The following GATAD2B variants were observed in gnomAD, a reference collection of about 807,000 sequenced individuals.
The protein encoded by GATAD2B is GATA zinc finger domain containing 2B.
Under a neutral mutation model 64.3 loss-of-function variants are expected in GATAD2B, and 8 were observed. The observed-to-expected ratio is 0.12, with a 90% CI of 0.07 to 0.22. The LOEUF is 0.22. Ranked by LOEUF, GATAD2B falls within the 10% of genes least tolerant of loss-of-function variation. The probability of loss-of-function intolerance (pLI) is 1.00; values close to 1 mark genes in which losing one functional copy is unlikely to be tolerated. For missense variants in GATAD2B, 453 were observed against 752.0 expected, an observed-to-expected ratio of 0.60 and a Z score of 4.65; for synonymous variants, 281 against 271.3, an observed-to-expected ratio of 1.04 and a Z score of -0.35.
At chr1:153,831,270 G>C (rs1422415357) in intron 1 of GATAD2B, among the ~76,000 whole-genome samples, 1 of 152,186 alleles carries the variant, frequency 6.6e-6, no homozygotes, top group African/African-American at 2.4e-5. Flanking sequence ...TCACTCGTAA[G>C]TGGGAGTTGA....
chr1:153,818,064 T>A lies in GATAD2B; in HGVS notation c.705A>T (p.Glu235Asp), dbSNP rs1674544775. 6.2e-7 allele frequency: 1 copy of A among 1,611,480 alleles called. No homozygotes were observed. Among genetic ancestry groups the A allele is most frequent in the Non-Finnish European group, 8.5e-7 (1 of 1,179,034 alleles). The stretch of plus-strand genomic sequence containing the variant: ...CCTGTAATGTTCTCAAATTTTGAGG[T>A]TCAACCCCTTGGGCCCCAGGCCGAG... The part of the protein sequence containing the change: ...LPSRPGAQGV[E>D]PQNLRTLQGH... Residue 235 changes from glutamate (E) to aspartate (D), a missense_variant, in exon 5 of 11, where the codon GAA becomes GAT. Transcript: ENST00000368655.
At chr1:153,911,493 G>C (rs1678106541) in intron 1 of GATAD2B, among the ~76,000 whole-genome samples, 1 of 152,168 alleles carries the variant, frequency 6.6e-6, no homozygotes, top group East Asian at 1.9e-4. Flanking sequence ...CCAGCACTTT[G>C]GGAGGCCGAG....
At chr1:153,855,432 T>C (rs969221076) in intron 1 of GATAD2B, among the ~76,000 whole-genome samples, 2 of 152,136 alleles carry the variant, frequency 1.3e-5, no homozygotes, top group Non-Finnish European at 2.9e-5. Context: ...TTTTCCTATG[T>C]TGGCCAGGCA....
At chr1:153,818,743 C>G in intron 4 of GATAD2B, 48 bp downstream of exon 4, 1 of 1,585,078 alleles carries the variant, frequency 6.3e-7, no homozygotes, top group African/African-American at 1.4e-5. Context: ...ACTCTCAAAC[C>G]AGTTTTTCTT....
chr1:153,817,837 C>T (rs551459311), intron 5 of GATAD2B, among the ~76,000 whole-genome samples: 5 of 152,144 alleles, frequency 3.3e-5, no homozygotes, highest in Admixed American at 3.3e-4. Context: ...ATTCTCTAGA[C>T]AAGAAAAACT....
chr1:153,819,503 T>C, intron 3 of GATAD2B, 103 bp downstream of exon 3: 1 of 827,498 alleles, frequency 1.2e-6, no homozygotes, highest in Non-Finnish European at 1.9e-6. Flanking sequence ...TGGGTATTTA[T>C]ATCCAAAGAG....
At chr1:153,866,291 C>T (rs1221243196) in intron 1 of GATAD2B, among the ~76,000 whole-genome samples, 4 of 151,526 alleles carry the variant, frequency 2.6e-5, no homozygotes, top group Admixed American at 1.3e-4. Context: ...ATAGCTAATC[C>T]AGTAGCAGCC....
chr1:153,895,430 A>G (rs1251902540), intron 1 of GATAD2B, among the ~76,000 whole-genome samples: 1 of 151,790 alleles, frequency 6.6e-6, no homozygotes, highest in Non-Finnish European at 1.5e-5. Context: ...GAGGTACAGA[A>G]CCAACCAGTC....
At position 153,856,425 on chromosome 1, in the gene GATAD2B, G is replaced by A. The variant is rs569566814; in HGVS notation, c.-1-28077C>T. On this transcript the variant is annotated intron_variant, in intron 1 of 10. Transcript: ENST00000368655. ...TTATGCTATATATCAACAGCATATT[G>A]GTATGTGCCAAGCAAATATGGCAAA... Among the ~76,000 whole-genome samples the A allele has an allele frequency of 3.3e-5, 5 of 152,226 alleles. No individual in the cohort carries two copies. In the East Asian group the frequency reaches 7.7e-4, roughly 23 times the overall value.
chr1:153,845,091 A>T (rs542218342), intron 1 of GATAD2B, among the ~76,000 whole-genome samples: 1 of 152,168 alleles, frequency 6.6e-6, no homozygotes, highest in Non-Finnish European at 1.5e-5. Flanking sequence ...TTACGCAGAG[A>T]AATGGAAGAT....
intron 1 of GATAD2B, among the ~76,000 whole-genome samples, chr1:153,864,546 G>C (rs1024694804): frequency 6.6e-6 from 1 of 152,148 alleles, no homozygotes; most frequent in Non-Finnish European, 1.5e-5. Context: ...AAACCTAGGA[G>C]GTCGAGGCTT....
chr1:153,869,180 TA>T (rs1464392853), intron 1 of GATAD2B, among the ~76,000 whole-genome samples: 1 of 151,564 alleles, frequency 6.6e-6, no homozygotes, highest in East Asian at 2.0e-4. Flanking sequence ...TAGTCCCAGC[TA>T]CTTGAGAGGC....
chr1:153,819,771 CAA>C (rs1557783699), intron 2 of GATAD2B, 36 bp from the exon 3 acceptor site: 1 of 1,565,668 alleles, frequency 6.4e-7, no homozygotes, highest in Admixed American at 2.0e-5. Flanking sequence ...CTATTTCCAA[CAA>C]AAGTTAAGAA....
intron 10 of GATAD2B, chr1:153,811,448 C>T (rs983530686): frequency 3.5e-5 from 16 of 452,610 alleles, no homozygotes; most frequent in African/African-American, 6.2e-5. Flanking sequence ...CCTGCTGTCC[C>T]GGCCAAAAGA....
intron 1 of GATAD2B, among the ~76,000 whole-genome samples, chr1:153,851,846 A>T (rs1043118044): frequency 6.6e-6 from 1 of 152,082 alleles, no homozygotes; most frequent in African/African-American, 2.4e-5. Context: ...TGAGAACATA[A>T]GTGCACTTGA....
rs556560103 is a variant in GATAD2B, at chr1:153,852,466, A to G, written c.-1-24118T>C. 397 of 757,268 alleles carry G rather than the reference A, an allele frequency of 5.2e-4. 8 individuals are homozygous for G. Among genetic ancestry groups the G allele is most frequent in the South Asian group, 3.1e-3 (230 of 73,086 alleles). The allele number at this position is 757,268 out of a possible 1,614,324, so 46.9% of individuals were successfully genotyped here. On this transcript the variant is annotated intron_variant, in intron 1 of 10. Transcript: ENST00000368655. ...GTCTGGAGCTGCTAAGTCAGGTTGC[A>G]GGCAATAGCAAGAGTACGTGACTCG...
chr1:153,810,513 TG>T (rs1674258281), intron 10 of GATAD2B, among the ~76,000 whole-genome samples: 1 of 152,100 alleles, frequency 6.6e-6, no homozygotes, highest in Non-Finnish European at 1.5e-5. Flanking sequence ...CAGGCTGGAG[TG>T]CAGTGGTGTG....
Position 153,905,589 on chromosome 1 carries a change from C to T in GATAD2B, c.-2+17144G>A, listed in dbSNP as rs1263325214. Among the ~76,000 whole-genome samples, 5 of 144,712 alleles carry T rather than the reference C, an allele frequency of 3.5e-5. No individual in the cohort carries two copies. The South Asian group carries it at 6.5e-4, about 19-fold the overall frequency. 94.9% of individuals were successfully genotyped at this position (144,712 alleles called of 152,430 possible). A position where few individuals can be genotyped will look rare whatever the true frequency, so the allele number is the denominator to read the frequency against. ...AAAAAAAAAAAAGAACAAAGTCAGA[C>T]GACTCATTCTTCCTGATTCCAAAAC... On this transcript the variant is annotated intron_variant, in intron 1 of 10. Transcript: ENST00000368655.
intron 1 of GATAD2B, among the ~76,000 whole-genome samples, chr1:153,887,112 A>T (rs1677207561): frequency 6.6e-6 from 1 of 152,192 alleles, no homozygotes; most frequent in Admixed American, 6.5e-5. Flanking sequence ...AACCCCATTC[A>T]TATGGTCAAA....
Sources: allele counts gnomAD v4.1 joint callset (sites outside exome capture counted in the v4.1 genomes callset), GRCh38; gene constraint gnomAD v4.1.1; transcripts MANE v1.5; gene names NCBI Gene and HGNC (gene_info 2026-07-23, HGNC 2026-07-21).